FAM135A: variants seen among roughly 807,000 people sequenced by gnomAD.
FAM135A encodes the protein protein FAM135A.
A neutral mutation model predicts 146.8 loss-of-function variants in FAM135A; 79 were observed. That is an observed-to-expected ratio of 0.54 (90% CI 0.45 to 0.65). FAM135A has a LOEUF of 0.65. FAM135A is among the 30% of genes least tolerant of loss of function. The pLI is 0.00. For missense variants in FAM135A, 1,623 were observed against 1,758.2 expected (o/e 0.92, Z 1.38); for synonymous variants, 562 against 603.6 (o/e 0.93, Z 1.01).
intron 10 of FAM135A, 96 bp downstream of exon 10, chr6:70,482,250 A>G: frequency 2.4e-6 from 3 of 1,225,150 alleles, no homozygotes; most frequent in Non-Finnish European, 3.3e-6. Context: ...TTTCTATACT[A>G]AAACTACAGT....
intron 12 of FAM135A, among the ~76,000 whole-genome samples, chr6:70,518,268 C>T (rs1792761563): frequency 6.6e-6 from 1 of 151,932 alleles, no homozygotes; most frequent in African/African-American, 2.4e-5. Context: ...TAATCCACAG[C>T]AGGGTCCTAA....
At chr6:70,469,142 G>A (rs534093311) in intron 5 of FAM135A, among the ~76,000 whole-genome samples, 125 of 152,012 alleles carry the variant, frequency 8.2e-4, no homozygotes, top group Non-Finnish European at 3.2e-4. Context: ...ACACCACTCC[G>A]TTAGGATGTA....
chr6:70,456,893 G>T (rs1207707199), intron 5 of FAM135A, among the ~76,000 whole-genome samples: 1 of 152,144 alleles, frequency 6.6e-6, no homozygotes. Flanking sequence ...GCTGCTACTT[G>T]TATTACAGTT....
intron 8 of FAM135A, among the ~76,000 whole-genome samples, chr6:70,479,821 A>T (rs1418726218): frequency 6.6e-6 from 1 of 152,174 alleles, no homozygotes; most frequent in Non-Finnish European, 1.5e-5. Flanking sequence ...TACTTAAAGT[A>T]AGTGGCTTAG....
chr6:70,537,191 C>A (rs1796952800), intron 19 of FAM135A, among the ~76,000 whole-genome samples: 1 of 152,108 alleles, frequency 6.6e-6, no homozygotes, highest in Non-Finnish European at 1.5e-5. Flanking sequence ...GCCTCGGCCT[C>A]CCAAAGTGCT....
intron 3 of FAM135A, among the ~76,000 whole-genome samples, 164 bp from the exon 4 acceptor site, chr6:70,428,140 A>G (rs533218706): frequency 1.5e-3 from 232 of 152,330 alleles, no homozygotes; most frequent in African/African-American, 5.5e-3. Flanking sequence ...GTAAGTATAC[A>G]TTCTGGTCCT....
chr6:70,513,227 T>G (rs1229224475), intron 12 of FAM135A: 1 of 151,660 alleles, frequency 6.6e-6, no homozygotes, highest in Non-Finnish European at 1.5e-5. Context: ...TCCTCCAAGG[T>G]TTTCTTCTTT....
At chr6:70,436,811 G>T (rs1053549693) in intron 4 of FAM135A, among the ~76,000 whole-genome samples, 1 of 152,166 alleles carries the variant, frequency 6.6e-6, no homozygotes, top group African/African-American at 2.4e-5. Flanking sequence ...CCAACAATCT[G>T]CCATTACTGG....
intron 11 of FAM135A, among the ~76,000 whole-genome samples, chr6:70,493,472 A>C (rs1388709803): frequency 6.6e-6 from 1 of 152,188 alleles, no homozygotes; most frequent in East Asian, 1.9e-4. Context: ...AAATTTCAGT[A>C]TGTAAATGGT....
chr6:70,555,639 G>A (rs1735072646), intron 20 of FAM135A, among the ~76,000 whole-genome samples: 1 of 152,090 alleles, frequency 6.6e-6, no homozygotes, highest in South Asian at 2.1e-4. Flanking sequence ...ATGAATACCT[G>A]TGCTCTAGGA....
chr6:70,464,540 C>T (rs190041623), intron 5 of FAM135A, among the ~76,000 whole-genome samples: 2 of 152,044 alleles, frequency 1.3e-5, no homozygotes, highest in African/African-American at 2.4e-5. Context: ...TTAGCATACA[C>T]GTTTAGGTCT....
In FAM135A at chr6:70,526,149, G is replaced by A. The variant is rs148680219; in HGVS notation, c.3065G>A (p.Gly1022Asp). 7.2e-4 allele frequency: 1,154 copies of A among 1,613,564 alleles called. 8 individuals carry two copies. The African/African-American group carries it at 0.011, about 15-fold the overall frequency. Residue 1022 changes from glycine (G) to aspartate (D), a missense_variant, in exon 15 of 22, where the codon GGT (glycine) becomes GAT (aspartate). Around this residue, in one of 7 missense-constraint regions of FAM135A, gnomAD observed 1,061 missense variants for 1,113.8 expected, o/e 0.95. Transcript: ENST00000418814. The part of the protein sequence containing the change: ...IPTVESETHL[G>D]TSDPFSASTD... ...ACAGTTGAAAGTGAAACTCATCTGG[G>A]TACAAGTGATCCTTTTTCAGCCAGT...
chr6:70,536,253 C>G lies in FAM135A; in HGVS notation c.3966-7C>G. The G allele has an allele frequency of 6.3e-7, 1 of 1,593,236 alleles. No individual in the cohort carries two copies. Among genetic ancestry groups the G allele is most frequent in the Non-Finnish European group, 8.5e-7 (1 of 1,173,176 alleles). On this transcript the variant is annotated splice_polypyrimidine_tract_variant and splice_region_variant and intron_variant, in intron 18 of 21. Transcript: ENST00000418814. ...GTGAGAAAATTAATTTTTTTTTCCT[C>G]TTAAAGCTTTATTGGACATTCGTTG...
intron 5 of FAM135A, among the ~76,000 whole-genome samples, chr6:70,474,651 C>T (rs1041810460): frequency 2.6e-5 from 4 of 152,172 alleles, no homozygotes; most frequent in Non-Finnish European, 4.4e-5. Flanking sequence ...GTGAAGCTTC[C>T]GTTGTTTTCT....
At position 70,520,658 on chromosome 6, in the gene FAM135A, C is replaced by T. The variant is rs752509776; in HGVS notation, c.1030-1855C>T. On this transcript the variant is annotated intron_variant, in intron 12 of 21. Transcript: ENST00000418814. The stretch of plus-strand genomic sequence containing the variant: ...AATATCAAAAATGCATGCCAAAATA[C>T]ATACATATACAAAGCAGTAATATAT... Among the ~76,000 whole-genome samples the T allele has an allele frequency of 2.1e-4, 24 of 116,660 alleles. 1 individual carries two copies. Among genetic ancestry groups the T allele is most frequent in the Non-Finnish European group, 4.6e-4 (22 of 48,002 alleles). 76.5% of individuals were successfully genotyped at this position (116,660 alleles called of 152,430 possible). A position where few individuals can be genotyped will look rare whatever the true frequency, so the allele number is the denominator to read the frequency against.
rs999083087 is a variant in FAM135A at position 70,475,513 on chromosome 6, G to A, written c.261G>A (p.Met87Ile). 1 of 1,601,352 alleles carries A rather than the reference G, an allele frequency of 6.2e-7. No homozygotes were observed. The highest frequency in any genetic ancestry group is 8.5e-7 in the Non-Finnish European group (1 of 1,174,356). ...KNEEVVLNDV[M>I]IFKVKMLLDE... ...AAGAGGTTGTTTTAAATGATGTTAT[G>A]ATCTTCAAAGTAAAAATGCTATTGG... Residue 87 changes from methionine (M) to isoleucine (I), a missense_variant, in exon 6 of 22, where the codon ATG becomes ATA. Physicochemically the swap from Met to Ile is conservative, Grantham distance 10. Transcript: ENST00000418814.
chr6:70,489,912 A>T (rs1176511177), intron 10 of FAM135A, among the ~76,000 whole-genome samples: 1 of 152,062 alleles, frequency 6.6e-6, no homozygotes, highest in Admixed American at 6.6e-5. Flanking sequence ...GCCAGGTATA[A>T]CCAATATAGC....
chr6:70,424,720 C>T (rs1381232274), intron 2 of FAM135A, among the ~76,000 whole-genome samples: 1 of 152,182 alleles, frequency 6.6e-6, no homozygotes, highest in Non-Finnish European at 1.5e-5. Flanking sequence ...CCAATTCTTG[C>T]TTGAGTAAAC....
chr6:70,479,278 C>T (rs546274491), intron 8 of FAM135A, among the ~76,000 whole-genome samples: 19 of 152,270 alleles, frequency 1.2e-4, no homozygotes, highest in African/African-American at 3.4e-4. Context: ...CCTCTTGCAA[C>T]GCAGCAATTT....
Sources: gnomAD v4.1 joint callset for allele counts (sites outside exome capture counted in the v4.1 genomes callset) on GRCh38, gnomAD v4.1.1 for gene constraint, gnomAD v4.1.1 regional missense constraint, MANE v1.5 for transcripts, NCBI Gene and HGNC (gene_info 2026-07-23, HGNC 2026-07-21) for gene names.